The following TTPA variants were observed in gnomAD, a reference collection of about 807,000 sequenced individuals.
TTPA encodes the protein alpha tocopherol transfer protein.
A neutral mutation model predicts 25.9 loss-of-function variants in TTPA; 23 were observed. That is an observed-to-expected ratio of 0.89 (90% CI 0.64 to 1.26). TTPA has a LOEUF of 1.26. Ranked by LOEUF, TTPA falls within the 50% of genes most tolerant of loss-of-function variation. TTPA has a pLI of 0.00. For missense variants in TTPA, 337 were observed against 353.1 expected (o/e 0.95, Z 0.37); for synonymous variants, 148 against 137.3 (o/e 1.08, Z -0.54).
intron 2 of TTPA, among the ~76,000 whole-genome samples, chr8:63,066,454 G>A (rs573085717): frequency 6.6e-6 from 1 of 152,178 alleles, no homozygotes; most frequent in Non-Finnish European, 1.5e-5. Context: ...ATTATAAAGA[G>A]TAATTAGGGC....
At chr8:63,078,885 T>G (rs1047300997) in intron 1 of TTPA, among the ~76,000 whole-genome samples, 1 of 152,028 alleles carries the variant, frequency 6.6e-6, no homozygotes, top group Non-Finnish European at 1.5e-5. Flanking sequence ...CACATAATTG[T>G]CAGATTCACC....
chr8:63,074,277 CAG>C (rs2129766149), intron 1 of TTPA, among the ~76,000 whole-genome samples: 1 of 152,238 alleles, frequency 6.6e-6, no homozygotes, highest in East Asian at 1.9e-4. Flanking sequence ...TGGAGGAAGA[CAG>C]AAACTGAGTG....
intron 1 of TTPA, among the ~76,000 whole-genome samples, chr8:63,073,914 G>A (rs558179901): frequency 1.3e-3 from 192 of 152,192 alleles, no homozygotes; most frequent in Middle Eastern, 6.8e-3. Flanking sequence ...AAGAACCACC[G>A]GAAATAGCTA....
At position 63,072,818 on chromosome 8, in the gene TTPA, T is replaced by C; in HGVS notation, c.358+117A>G. The C allele has an allele frequency of 2.4e-6, 3 of 1,254,726 alleles. No homozygotes were observed. In the South Asian group the frequency reaches 4.0e-5, roughly 17 times the overall value. The allele number at this position is 1,254,726 out of a possible 1,614,324, so 77.7% of individuals were successfully genotyped here. On this transcript the variant is annotated intron_variant, in intron 2 of 4. Coordinates refer to ENST00000260116, the MANE Select transcript of TTPA (RefSeq NM_000370.3). ...CCCAAATTCCTAAAGATGAATGCATTGAAGCTTTCTATATGGTATTCAAGG... is the reference window on the plus strand; with the variant it reads ...CCCAAATTCCTAAAGATGAATGCATCGAAGCTTTCTATATGGTATTCAAGG...
At chr8:63,069,958 T>C (rs995862847) in intron 2 of TTPA, among the ~76,000 whole-genome samples, 2 of 152,228 alleles carry the variant, frequency 1.3e-5, no homozygotes, top group Admixed American at 6.5e-5. Flanking sequence ...AGTGCTTTTA[T>C]GTACCAGGTA....
rs1805282189 is a variant in TTPA at position 63,060,179 on chromosome 8, A to G, written c.*1073T>C. 1 of 152,250 alleles carries G rather than the reference A, an allele frequency of 6.6e-6. No homozygotes were observed. The highest frequency in any genetic ancestry group is 1.5e-5 in the Non-Finnish European group (1 of 68,046). The allele number at this position is 152,250 out of a possible 1,614,324, so 9.4% of individuals were successfully genotyped here. ...AGTTACGTTATTGTTAACTAAAAACAGTCCATGTATAAGACAAGTAAGTAT... is the reference window on the plus strand; with the variant it reads ...AGTTACGTTATTGTTAACTAAAAACGGTCCATGTATAAGACAAGTAAGTAT... On this transcript the variant is annotated 3_prime_UTR_variant, in exon 5 of 5. Transcript: ENST00000260116.
chr8:63,077,100 A>G (rs186534221), intron 1 of TTPA, among the ~76,000 whole-genome samples: 87 of 152,352 alleles, frequency 5.7e-4, no homozygotes, highest in Non-Finnish European at 1.0e-3. Flanking sequence ...TGTAACAGAT[A>G]AAAATCAAGG....
At chr8:63,077,115 A>G (rs1196426516) in intron 1 of TTPA, among the ~76,000 whole-genome samples, 1 of 152,244 alleles carries the variant, frequency 6.6e-6, no homozygotes, top group Non-Finnish European at 1.5e-5. Context: ...TCAAGGACAA[A>G]GGCCTAAAAT....
chr8:63,061,500 A>G, intron 4 of TTPA, 75 bp from the exon 5 acceptor site: 1 of 1,348,446 alleles, frequency 7.4e-7, no homozygotes, highest in Non-Finnish European at 1.1e-6. Flanking sequence ...TCATAAAACA[A>G]GGTATTCTAA....
Position 63,059,959 on chromosome 8 carries a change from G to A in TTPA, c.*1293C>T, listed in dbSNP as rs1321073938. 6.6e-6 allele frequency: 1 copy of A among 152,070 alleles called. No individual in the cohort carries two copies. Among genetic ancestry groups the A allele is most frequent in the Non-Finnish European group, 1.5e-5 (1 of 68,012 alleles). The allele number at this position is 152,070 out of a possible 1,614,324, so 9.4% of individuals were successfully genotyped here. On this transcript the variant is annotated 3_prime_UTR_variant, in exon 5 of 5. Transcript: ENST00000260116. ...ATCCATCCAGCCTCGGCCTCCCAAA[G>A]TGCTGGGATTACAGGTGTGAGCTGC...
rs538918076 is a variant in TTPA at position 63,080,111 on chromosome 8, T to C, written c.204+5707A>G. ...AATGAAGGCAGAAATAAAGATGTTC[T>C]TTGAAACCAATGAGAACAAAGACAC... is the stretch of plus-strand genomic sequence containing the variant. On this transcript the variant is annotated intron_variant, in intron 1 of 4. Coordinates refer to ENST00000260116, the MANE Select transcript of TTPA (RefSeq NM_000370.3). 1.8e-4 allele frequency among the ~76,000 whole-genome samples: 28 copies of C among 152,264 alleles called. No homozygotes were observed. In the East Asian group the frequency reaches 5.2e-3, roughly 28 times the overall value.
At chr8:63,071,780 C>G (rs551399084) in intron 2 of TTPA, among the ~76,000 whole-genome samples, 1 of 152,256 alleles carries the variant, frequency 6.6e-6, no homozygotes, top group African/African-American at 2.4e-5. Flanking sequence ...AGAGATGTCA[C>G]CTAGGAACCA....
chr8:63,084,964 C>T (rs1001474632), intron 1 of TTPA, among the ~76,000 whole-genome samples: 21 of 152,188 alleles, frequency 1.4e-4, no homozygotes, highest in African/African-American at 4.6e-4. Flanking sequence ...AATATCTTTC[C>T]TGCTAGGCAG....
chr8:63,063,283 T>G (rs1272302004), intron 4 of TTPA, among the ~76,000 whole-genome samples: 1 of 152,196 alleles, frequency 6.6e-6, no homozygotes, highest in African/African-American at 2.4e-5. Flanking sequence ...GTTGCCATTC[T>G]TGAGAACGCA....
rs1228951653 is a variant in TTPA, at chr8:63,082,985, C to T, written c.204+2833G>A. 5.3e-5 allele frequency among the ~76,000 whole-genome samples: 8 copies of T among 152,140 alleles called. No homozygotes were observed. The South Asian group carries it at 6.2e-4, about 12-fold the overall frequency. ...TGGTGATCATTGAAAAGTCAGGAAA[C>T]GACAGGTGCTGGAGAAGATGTGGAG... On this transcript the variant is annotated intron_variant, in intron 1 of 4. Transcript: ENST00000260116.
chr8:63,062,791 T>A (rs1251929812), intron 4 of TTPA, among the ~76,000 whole-genome samples: 1 of 152,176 alleles, frequency 6.6e-6, no homozygotes, highest in Non-Finnish European at 1.5e-5. Flanking sequence ...TTTGTTTTTA[T>A]CTAAAATATT....
intron 1 of TTPA, among the ~76,000 whole-genome samples, chr8:63,075,464 A>G (rs2129768945): frequency 6.6e-6 from 1 of 152,274 alleles, no homozygotes; most frequent in Admixed American, 6.5e-5. Context: ...TCATGCCTGT[A>G]ATCCCAGCAC....
chr8:63,082,671 A>G (rs1020885324), intron 1 of TTPA, among the ~76,000 whole-genome samples: 4 of 152,248 alleles, frequency 2.6e-5, no homozygotes, highest in African/African-American at 9.6e-5. Context: ...GAGCTTCTGC[A>G]TGGCAAAAGA....
Position 63,066,011 on chromosome 8 carries a change from T to C in TTPA, c.445A>G (p.Thr149Ala), listed in dbSNP as rs1224680829. 1 of 1,613,968 alleles carries C rather than the reference T, an allele frequency of 6.2e-7. No homozygotes were observed. Among genetic ancestry groups the C allele is most frequent in the African/African-American group, 1.3e-5 (1 of 74,918 alleles). The change falls in exon 3 of 5, where the codon ACT (threonine) becomes GCT (alanine). Residue 149 changes from threonine to alanine, a missense_variant. Transcript: ENST00000260116. Reference sequence around the variant, plus strand: ...ATAGCCTTGATTCCATTCCGCTGAGTTTCTACCTCCTGTACAATAAGCTCG... The same window carrying C: ...ATAGCCTTGATTCCATTCCGCTGAGCTTCTACCTCCTGTACAATAAGCTCG... ...TSELIVQEVETQRNGIKAIFD... is the reference protein window; with the variant it reads ...TSELIVQEVEAQRNGIKAIFD...
Sources: gnomAD v4.1 joint callset for allele counts (sites outside exome capture counted in the v4.1 genomes callset) on GRCh38, gnomAD v4.1.1 for gene constraint, MANE v1.5 for transcripts, NCBI Gene and HGNC (gene_info 2026-07-23, HGNC 2026-07-21) for gene names.